The following ANK3 variants were observed in gnomAD, a reference collection of about 807,000 sequenced individuals.
ANK3 encodes ankyrin-3.
In ANK3, 57 loss-of-function variants were observed where a neutral mutation model predicts 370.9. That is an observed-to-expected ratio of 0.15 (90% confidence interval 0.12 to 0.19). The LOEUF (loss-of-function observed/expected upper bound fraction) is 0.19. ANK3 is among the 10% of genes least tolerant of loss of function. The pLI is 1.00. For synonymous variants in ANK3, 1,929 were observed against 1,946.3 expected, an observed-to-expected ratio of 0.99 and a Z score of 0.23; for missense variants, 4,439 against 5,302.1, an observed-to-expected ratio of 0.84 and a Z score of 5.06.
chr10:60,646,621 T>G (rs1439696934), intron 1 of ANK3, among the ~76,000 whole-genome samples: 1 of 152,044 alleles, frequency 6.6e-6, no homozygotes, highest in Admixed American at 6.5e-5. Context: ...AGGAGCCTAT[T>G]ATGGAGAGAA....
At chr10:60,564,078 A>G (rs2077402605) in intron 2 of ANK3, among the ~76,000 whole-genome samples, 1 of 152,228 alleles carries the variant, frequency 6.6e-6, no homozygotes, top group African/African-American at 2.4e-5. Flanking sequence ...CAAATTAAGT[A>G]CTGGAGGAGT....
chr10:60,191,265 T>C (rs1008428137), intron 16 of ANK3, among the ~76,000 whole-genome samples: 2 of 151,920 alleles, frequency 1.3e-5, no homozygotes, highest in Non-Finnish European at 2.9e-5. Flanking sequence ...AGCTTCTGCA[T>C]AGCAAAAGAG....
At chr10:60,262,306 T>C (rs1260678381) in intron 6 of ANK3, among the ~76,000 whole-genome samples, 6 of 152,252 alleles carry the variant, frequency 3.9e-5, no homozygotes, top group African/African-American at 1.4e-4. Context: ...TTACTGACGA[T>C]AGAATTGTGC....
At chr10:60,626,885 A>G (rs1441421732) in intron 1 of ANK3, among the ~76,000 whole-genome samples, 14 of 152,138 alleles carry the variant, frequency 9.2e-5, no homozygotes, top group Admixed American at 8.5e-4. Flanking sequence ...ACTGAGGACC[A>G]GCTGGGGAGG....
At chr10:60,144,598 T>C (rs1171687061) in intron 23 of ANK3, among the ~76,000 whole-genome samples, 4 of 152,204 alleles carry the variant, frequency 2.6e-5, no homozygotes, top group South Asian at 4.1e-4. Flanking sequence ...CTCCTCTTCC[T>C]AGTCCTCCCT....
intron 21 of ANK3, among the ~76,000 whole-genome samples, chr10:60,171,662 A>T (rs897069275): frequency 1.3e-5 from 2 of 152,202 alleles, no homozygotes; most frequent in East Asian, 1.9e-4. Context: ...CAAAGGTACC[A>T]GATGGGGTTG....
rs1203783842 is a variant in ANK3, at chr10:60,114,227, A to G, written c.2946T>C (p.Ser982=). The change falls in exon 26 of 44, where the codon TCT becomes TCC. Residue 982 remains serine, a splice_region_variant and synonymous_variant. Coordinates refer to ENST00000280772, the MANE Select transcript of ANK3 (RefSeq NM_020987.5). ...AAAGTGACATTTAGGTTACTTACCC[A>G]GAATGAATGGGGCTTGAAACAAGAT... ...NVNLVSSPIH[S]GFLVSFMVDA... The G allele has an allele frequency of 1.3e-6, 2 of 1,591,194 alleles. No homozygotes were observed. The highest frequency in any genetic ancestry group is 1.7e-6 in the Non-Finnish European group (2 of 1,165,072).
chr10:60,556,746 C>T (rs1320627265), intron 2 of ANK3, among the ~76,000 whole-genome samples: 2 of 152,078 alleles, frequency 1.3e-5, no homozygotes, highest in East Asian at 3.9e-4. Context: ...CAGAGGAGAA[C>T]AGCTTGGCAG....
At chr10:60,138,569 A>G in intron 24 of ANK3, 1 of 406,824 alleles carries the variant, frequency 2.5e-6, no homozygotes, top group Admixed American at 4.2e-5. Context: ...TCAGTAACAG[A>G]GAATAGTGAA....
intron 8 of ANK3, among the ~76,000 whole-genome samples, chr10:60,226,498 ATAGTATATATACATAGTATATATAC>A (rs1565820184): frequency 4.7e-5 from 4 of 84,216 alleles, no homozygotes; most frequent in African/African-American, 2.7e-4. Context: ...TACATATACT[ATAGTATATATACATAGTATATATAC>A]TATAGTATAT....
intron 2 of ANK3, among the ~76,000 whole-genome samples, chr10:60,585,313 T>C (rs1399958224): frequency 1.3e-5 from 2 of 152,170 alleles, no homozygotes; most frequent in Admixed American, 1.3e-4. Flanking sequence ...GTATATTGGT[T>C]GTTATTGTCA....
At chr10:60,632,529 A>G (rs542735635) in intron 1 of ANK3, among the ~76,000 whole-genome samples, 1 of 152,292 alleles carries the variant, frequency 6.6e-6, no homozygotes, top group East Asian at 1.9e-4. Context: ...AGGAAGACTC[A>G]TTTGAGCCCA....
intron 2 of ANK3, among the ~76,000 whole-genome samples, chr10:60,567,789 A>G (rs2077498845): frequency 6.6e-6 from 1 of 152,232 alleles, no homozygotes; most frequent in African/African-American, 2.4e-5. Context: ...ATCAACATTA[A>G]CAGGAGTTTG....
At chr10:60,217,830 ATCTG>A (rs2096965984) in intron 8 of ANK3, among the ~76,000 whole-genome samples, 1 of 152,188 alleles carries the variant, frequency 6.6e-6, no homozygotes, top group African/African-American at 2.4e-5. Flanking sequence ...TGTCTCATAG[ATCTG>A]TCTAATACTG....
chr10:60,710,061 G>C (rs1472615902), intron 1 of ANK3, among the ~76,000 whole-genome samples: 1 of 152,118 alleles, frequency 6.6e-6, no homozygotes, highest in African/African-American at 2.4e-5. Context: ...AGCACTTCCA[G>C]CATCACTAGT....
intron 43 of ANK3, among the ~76,000 whole-genome samples, chr10:60,038,519 C>T (rs1044935000): frequency 2.0e-4 from 31 of 152,128 alleles, no homozygotes; most frequent in African/African-American, 5.6e-4. Context: ...AGCTTCTACA[C>T]AGCAAAAGAA....
chr10:60,321,268 G>T (rs1407648742), intron 1 of ANK3, among the ~76,000 whole-genome samples: 1 of 151,740 alleles, frequency 6.6e-6, no homozygotes, highest in Non-Finnish European at 1.5e-5. Context: ...CACATCTGTG[G>T]TCCCAGCTAC....
At chr10:60,698,921 A>AAT (rs1477948764) in intron 1 of ANK3, among the ~76,000 whole-genome samples, 11 of 148,532 alleles carry the variant, frequency 7.4e-5, no homozygotes, top group Admixed American at 5.4e-4. Context: ...TAATAATAAT[A>AAT]AAGAAAAATA....
At chr10:60,576,141 T>C (rs2077679970) in intron 2 of ANK3, among the ~76,000 whole-genome samples, 1 of 152,078 alleles carries the variant, frequency 6.6e-6, no homozygotes, top group Non-Finnish European at 1.5e-5. Flanking sequence ...ACATGGAAAA[T>C]ATCAATTTGG....
Sources: allele counts gnomAD v4.1 joint callset (sites outside exome capture counted in the v4.1 genomes callset), GRCh38; gene constraint gnomAD v4.1.1; transcripts MANE v1.5; gene names NCBI Gene and HGNC (gene_info 2026-07-23, HGNC 2026-07-21).